CCPG1: variants seen among roughly 807,000 people sequenced by gnomAD.
CCPG1 encodes the protein cell cycle progression protein 1.
In CCPG1, 46 loss-of-function variants were observed where a neutral mutation model predicts 81.3. That is an observed-to-expected ratio of 0.57 (90% CI 0.45 to 0.72). The LOEUF is 0.72. CCPG1 is among the 30% of genes least tolerant of loss of function. The probability of loss-of-function intolerance (pLI) is 0.00; values close to 1 mark genes in which losing one functional copy is unlikely to be tolerated. For synonymous variants in CCPG1, 330 were observed against 305.2 expected, an observed-to-expected ratio of 1.08 and a Z score of -0.85; for missense variants, 902 against 937.6, an observed-to-expected ratio of 0.96 and a Z score of 0.50.
At chr15:55,389,927 A>G (rs1436887465) in intron 1 of CCPG1, among the ~76,000 whole-genome samples, 2 of 152,238 alleles carry the variant, frequency 1.3e-5, no homozygotes. Context: ...TAGAAGAAAC[A>G]TGATGAAACT....
At position 55,359,755 on chromosome 15, in the gene CCPG1, T is replaced by G. The variant is rs1063567; in HGVS notation, c.2018A>C (p.His673Pro). The G allele has an allele frequency of 6.2e-7, 1 of 1,613,440 alleles. No individual in the cohort carries two copies. The highest frequency in any genetic ancestry group is 1.1e-5 in the South Asian group (1 of 91,064). Reference protein sequence around the residue: ...YMLKELDTFCHWNELDQFINK... With the variant: ...YMLKELDTFCPWNELDQFINK... Reference sequence around the variant, plus strand: ...GATGAACTGATCAAGTTCGTTCCAGTGACAAAAAGTATCCAGTTCTTTTAA... The same window carrying G: ...GATGAACTGATCAAGTTCGTTCCAGGGACAAAAAGTATCCAGTTCTTTTAA... Residue 673 changes from histidine (H) to proline (P), a missense_variant, in exon 8 of 9, where the codon CAC becomes CCC. Physicochemically the swap from His to Pro is moderately conservative, Grantham distance 77. Transcript: ENST00000442196.
Position 55,378,383 on chromosome 15 carries a change from TA to T in CCPG1, c.176-8del. 6.4e-7 allele frequency: 1 copy of T among 1,568,466 alleles called. No homozygotes were observed. Among genetic ancestry groups the T allele is most frequent in the Non-Finnish European group, 8.8e-7 (1 of 1,141,902 alleles). ...GTGCCATTTTGGCTGCTTTCTGATATAAAGCAAAGATCAATATAATTATTTC... is the reference window on the plus strand; with the variant it reads ...GTGCCATTTTGGCTGCTTTCTGATATAAGCAAAGATCAATATAATTATTTC... On this transcript the variant is annotated splice_polypyrimidine_tract_variant and splice_region_variant and intron_variant, in intron 3 of 8. Coordinates refer to ENST00000442196, the MANE Select transcript of CCPG1 (RefSeq NM_001204450.2).
intron 3 of CCPG1, among the ~76,000 whole-genome samples, chr15:55,380,537 C>A (rs139545884): frequency 7.9e-5 from 12 of 151,656 alleles, no homozygotes; most frequent in Non-Finnish European, 1.3e-4. Context: ...CCCCGTAAGC[C>A]GCCCGCCTCG....
chr15:55,404,177 T>C (rs1449396308), intron 1 of CCPG1, among the ~76,000 whole-genome samples: 1 of 152,024 alleles, frequency 6.6e-6, no homozygotes, highest in Non-Finnish European at 1.5e-5. Flanking sequence ...GTAGGCAAGC[T>C]CCAAAGAAGA....
At chr15:55,370,196 C>T (rs2056418091) in intron 6 of CCPG1, among the ~76,000 whole-genome samples, 1 of 152,190 alleles carries the variant, frequency 6.6e-6, no homozygotes, top group Non-Finnish European at 1.5e-5. Flanking sequence ...TTTATTCTAA[C>T]ATTACGCTAT....
chr15:55,369,218 T>C (rs780396409), intron 6 of CCPG1, among the ~76,000 whole-genome samples: 14 of 151,612 alleles, frequency 9.2e-5, no homozygotes, highest in African/African-American at 3.4e-4. Context: ...CCAAAGAATG[T>C]TGAGATCAGT....
chr15:55,356,267 T>C lies in CCPG1; in HGVS notation c.2377A>G (p.Asn793Asp). The C allele has an allele frequency of 6.5e-7, 1 of 1,535,158 alleles. No individual in the cohort carries two copies. The highest frequency in any genetic ancestry group is 1.2e-5 in the South Asian group (1 of 83,848). The part of the protein sequence containing the change: ...YGRTNGRQMA[N>D]LEIELGQLPF... ...AATTGCCCCAATTCTATTTCAAGAT[T>C]TGCCATTTGTCTTCCATTAGTGCGA... The change falls in exon 9 of 9, where the codon AAT (asparagine) becomes GAT (aspartate). Residue 793 changes from asparagine to aspartate, a missense_variant. By Grantham distance (23) the Asn-to-Asp change is conservative. Coordinates refer to ENST00000442196, the MANE Select transcript of CCPG1 (RefSeq NM_001204450.2).
chr15:55,380,612 G>A lies in CCPG1; in HGVS notation c.176-2236C>T, dbSNP rs1368818752. The stretch of plus-strand genomic sequence containing the variant: ...GCCCGGTCGATCATGCATTTCTTAT[G>A]TAATTTAAGTCCTGCAAAGAACAGG... On this transcript the variant is annotated intron_variant, in intron 3 of 8. Coordinates refer to ENST00000442196, the MANE Select transcript of CCPG1 (RefSeq NM_001204450.2). 3.3e-5 allele frequency among the ~76,000 whole-genome samples: 5 copies of A among 151,582 alleles called. No homozygotes were observed. The East Asian group carries it at 7.8e-4, about 24-fold the overall frequency.
chr15:55,396,135 C>G (rs1299513992), intron 1 of CCPG1, among the ~76,000 whole-genome samples: 1 of 131,082 alleles, frequency 7.6e-6, no homozygotes, highest in African/African-American at 2.8e-5. Context: ...GCCTGGGCAA[C>G]AGAGCAAGAC....
At chr15:55,380,153 TATAAC>T (rs1387005640) in intron 3 of CCPG1, among the ~76,000 whole-genome samples, 6 of 149,488 alleles carry the variant, frequency 4.0e-5, no homozygotes, top group African/African-American at 9.8e-5. Flanking sequence ...TTAAAAATAA[TATAAC>T]ATATAAATTT....
At chr15:55,356,908 C>T (rs138113869) in intron 8 of CCPG1, 35 of 985,648 alleles carry the variant, frequency 3.6e-5, no homozygotes, top group Middle Eastern at 5.2e-4. Context: ...CATCCCCTGG[C>T]CGCCCAGTTT....
chr15:55,397,657 C>T (rs1469098416), intron 1 of CCPG1, among the ~76,000 whole-genome samples: 1 of 152,106 alleles, frequency 6.6e-6, no homozygotes, highest in Non-Finnish European at 1.5e-5. Context: ...AGAAAGACTT[C>T]AAAAAGAGCA....
At chr15:55,388,586 G>A (rs1004940064) in intron 2 of CCPG1, among the ~76,000 whole-genome samples, 1 of 152,126 alleles carries the variant, frequency 6.6e-6, no homozygotes, top group Non-Finnish European at 1.5e-5. Flanking sequence ...AAAACAGTAT[G>A]TATCACAGTG....
chr15:55,389,522 G>T (rs1402609239), intron 1 of CCPG1, 89 bp from the exon 2 acceptor site: 8 of 874,640 alleles, frequency 9.1e-6, no homozygotes, highest in Non-Finnish European at 1.5e-5. Flanking sequence ...TTGAAAAGTG[G>T]TTTACTGTCT....
chr15:55,385,687 C>T lies in CCPG1; in HGVS notation c.88G>A (p.Val30Met), dbSNP rs935954361. The T allele has an allele frequency of 2.5e-6, 4 of 1,607,236 alleles. No homozygotes were observed. Among genetic ancestry groups the T allele is most frequent in the Non-Finnish European group, 3.4e-6 (4 of 1,173,962 alleles). ...EGSDIEMLNS[V>M]TPTDSCEPAP... ...GGCTCACAGCTGTCAGTGGGGGTCA[C>T]AGAATTCAACATTTCTATATCTGAC... Residue 30 changes from valine (V) to methionine (M), a missense_variant, in exon 3 of 9, where the codon GTG becomes ATG. Val to Met is a conservative substitution (Grantham distance 21). Transcript: ENST00000442196.
chr15:55,378,232 T>C, intron 4 of CCPG1, 68 bp downstream of exon 4: 2 of 950,750 alleles, frequency 2.1e-6, no homozygotes, highest in Non-Finnish European at 3.2e-6. Flanking sequence ...TAAATAGAAT[T>C]AGAGGCTTTA....
chr15:55,381,118 C>A (rs986137435), intron 3 of CCPG1, among the ~76,000 whole-genome samples: 1 of 151,548 alleles, frequency 6.6e-6, no homozygotes, highest in Non-Finnish European at 1.5e-5. Context: ...GCCTGGGCAA[C>A]AGAGCAAGAC....
At chr15:55,358,965 T>A in intron 8 of CCPG1, 1 of 975,976 alleles carries the variant, frequency 1.0e-6, no homozygotes, top group East Asian at 1.1e-4. Context: ...GGATAAAAAA[T>A]TATTATGAAG....
Position 55,356,332 on chromosome 15 carries a change from G to A in CCPG1, c.2312C>T (p.Pro771Leu). ...TTTACCTTCCCTTTTATAAGGCTGT[G>A]GCTGAAGGTGCTTCTGCTCTTGTTT... ...HRKQEQKHLQPQPYKREGKWH... is the reference protein window; with the variant it reads ...HRKQEQKHLQLQPYKREGKWH... Residue 771 changes from proline to leucine, a missense_variant, in exon 9 of 9, where the codon CCA becomes CTA. By Grantham distance (98) the Pro-to-Leu change is moderately conservative. Transcript: ENST00000442196. The A allele has an allele frequency of 6.5e-7, 1 of 1,535,554 alleles. No homozygotes were observed. Among genetic ancestry groups the A allele is most frequent in the Non-Finnish European group, 8.7e-7 (1 of 1,146,760 alleles).
Sources: gnomAD v4.1 joint callset for allele counts (sites outside exome capture counted in the v4.1 genomes callset) on GRCh38, gnomAD v4.1.1 for gene constraint, MANE v1.5 for transcripts, NCBI Gene and HGNC (gene_info 2026-07-23, HGNC 2026-07-21) for gene names.